Variants in ALMS1 observed in about 807,000 individuals in gnomAD.
ALMS1 encodes the protein centrosome-associated protein ALMS1.
A neutral mutation model predicts 352.2 loss-of-function variants in ALMS1; 271 were observed. The observed-to-expected ratio is 0.77, with a 90% CI of 0.70 to 0.85. The LOEUF is 0.85. Ranked by LOEUF, ALMS1 falls within the 40% of genes least tolerant of loss-of-function variation. The pLI is 0.00. For missense variants in ALMS1, 5,445 were observed against 4,870.7 expected, an observed-to-expected ratio of 1.12 and a Z score of -3.51; for synonymous variants, 1,865 against 1,761.2, an observed-to-expected ratio of 1.06 and a Z score of -1.48.
At chr2:73,481,632 A>T (rs982530004) in intron 9 of ALMS1, among the ~76,000 whole-genome samples, 2 of 150,552 alleles carry the variant, frequency 1.3e-5, no homozygotes, top group African/African-American at 2.5e-5. Flanking sequence ...TGGTAGCTTG[A>T]TGGGGATGGC....
intron 15 of ALMS1, among the ~76,000 whole-genome samples, chr2:73,559,627 G>C (rs1293513215): frequency 1.3e-5 from 2 of 152,148 alleles, no homozygotes; most frequent in Non-Finnish European, 2.9e-5. Context: ...TTACCTCTTA[G>C]AGGAAGATGG....
At chr2:73,440,202 C>T (rs143796595) in intron 7 of ALMS1, among the ~76,000 whole-genome samples, 2,453 of 151,044 alleles carry the variant, frequency 0.016, 63 homozygotes, top group African/African-American at 0.056. Flanking sequence ...AGGCTGGCTT[C>T]GAACTCCTGA....
chr2:73,528,380 A>T (rs966703004), intron 11 of ALMS1, among the ~76,000 whole-genome samples: 4 of 152,194 alleles, frequency 2.6e-5, no homozygotes, highest in Non-Finnish European at 4.4e-5. Context: ...CTGTAAGAAT[A>T]CTTGCTTTAT....
chr2:73,581,067 A>G (rs1195738708), intron 16 of ALMS1, among the ~76,000 whole-genome samples: 2 of 152,120 alleles, frequency 1.3e-5, no homozygotes, highest in South Asian at 2.1e-4. Context: ...TTTTCTGAAC[A>G]TGCATCTTGC....
At chr2:73,410,853 T>G (rs1166474613) in intron 2 of ALMS1, among the ~76,000 whole-genome samples, 2 of 152,140 alleles carry the variant, frequency 1.3e-5, no homozygotes, top group Non-Finnish European at 2.9e-5. Context: ...ATTAATAACT[T>G]GAGTATCAGA....
chr2:73,519,840 C>T lies in ALMS1; in HGVS notation c.9605C>T (p.Thr3202Ile), dbSNP rs749968807. The change falls in exon 11 of 23, where the codon ACT (threonine) becomes ATT (isoleucine). Residue 3202 changes from threonine to isoleucine, a missense_variant. By Grantham distance (89) the Thr-to-Ile change is moderately conservative. Transcript: ENST00000613296. ...FSEKLSSDAV[T>I]QITTESPEKT... ...GAAAAATTGTCATCTGATGCAGTCA[C>T]TCAGATAACAACAGAAAGTCCAGAA... The T allele has an allele frequency of 9.3e-6, 15 of 1,613,802 alleles. No homozygotes were observed. In the African/African-American group the frequency reaches 1.3e-4, roughly 14 times the overall value.
At chr2:73,468,744 T>G (rs1453974392) in intron 9 of ALMS1, among the ~76,000 whole-genome samples, 1 of 152,054 alleles carries the variant, frequency 6.6e-6, no homozygotes, top group Non-Finnish European at 1.5e-5. Context: ...GTAGACAGTA[T>G]ATAGTTGGAT....
chr2:73,607,111 T>C (rs1050818537), intron 21 of ALMS1, among the ~76,000 whole-genome samples: 2 of 152,210 alleles, frequency 1.3e-5, no homozygotes, highest in Non-Finnish European at 2.9e-5. Context: ...GATGGGAATT[T>C]TTGGTGGGAG....
At chr2:73,462,457 C>T (rs9750662) in intron 9 of ALMS1, among the ~76,000 whole-genome samples, 2,491 of 152,206 alleles carry the variant, frequency 0.016, 68 homozygotes, top group African/African-American at 0.057. Context: ...CTGAAGGAAG[C>T]GCTAAACATG....
intron 1 of ALMS1, among the ~76,000 whole-genome samples, chr2:73,391,522 T>A (rs1295014280): frequency 6.6e-6 from 1 of 151,828 alleles, no homozygotes; most frequent in Non-Finnish European, 1.5e-5. Context: ...CTCCATCTCC[T>A]GACCTCGTGA....
intron 9 of ALMS1, among the ~76,000 whole-genome samples, chr2:73,481,419 C>G (rs1170633618): frequency 1.3e-5 from 2 of 152,146 alleles, no homozygotes; most frequent in African/African-American, 2.4e-5. Context: ...GGGCTCTGTT[C>G]TGTTCCATTG....
chr2:73,476,612 C>G (rs1182297731), intron 9 of ALMS1, among the ~76,000 whole-genome samples: 1 of 151,398 alleles, frequency 6.6e-6, no homozygotes, highest in Non-Finnish European at 1.5e-5. Context: ...AATGGCTATT[C>G]TAACAGGTCT....
chr2:73,590,956 G>A (rs1288717858), intron 16 of ALMS1, among the ~76,000 whole-genome samples: 1 of 151,928 alleles, frequency 6.6e-6, no homozygotes, highest in Non-Finnish European at 1.5e-5. Context: ...AATTACAGGC[G>A]TGAGCCACCG....
rs545078384 is a variant in ALMS1, at chr2:73,407,673, GT to G, written c.325-948del. On this transcript the variant is annotated intron_variant, in intron 1 of 22. Transcript: ENST00000613296. ...GTGGTAATGAACTCTCTCAGCTTTT[GT>G]GAATGTTTTAATTTTCCCTTTTACA... is the stretch of plus-strand genomic sequence containing the variant. Among the ~76,000 whole-genome samples the G allele has an allele frequency of 2.4e-3, 367 of 152,158 alleles. 1 individual carries two copies. The highest frequency in any genetic ancestry group is 8.4e-3 in the African/African-American group (350 of 41,516).
rs151059286 is a variant in ALMS1, at chr2:73,477,914, G to A, written c.7675-11720G>A. On this transcript the variant is annotated intron_variant, in intron 9 of 22. Coordinates refer to ENST00000613296, the MANE Select transcript of ALMS1 (RefSeq NM_001378454.1). ...ATGAAGTTCATGTCATCTGCAAATA[G>A]ATATAGTTGTACTTCTTTCTTTCCA... is the stretch of plus-strand genomic sequence containing the variant. 5.9e-4 allele frequency among the ~76,000 whole-genome samples: 90 copies of A among 152,262 alleles called. 2 individuals are homozygous for A. The East Asian group carries it at 0.012, about 20-fold the overall frequency.
Position 73,449,843 on chromosome 2 carries a change from TTC to T in ALMS1, c.3318_3319del (p.Phe1106LeufsTer12). 1 of 1,613,970 alleles carries T rather than the reference TTC, an allele frequency of 6.2e-7. No homozygotes were observed. Among genetic ancestry groups the T allele is most frequent in the South Asian group, 1.1e-5 (1 of 91,082 alleles). On this transcript the variant is annotated frameshift_variant, in exon 8 of 23. Transcript: ENST00000613296. LOFTEE classifies it high-confidence loss of function. ...FYSQREKPGI[F>X]YQQTLPESHL... ...CTCACAAAGAGAGAAGCCTGGTATT[TTC>T]TACCAACAGACCTTGCCAGAGAGTC...
intron 10 of ALMS1, among the ~76,000 whole-genome samples, chr2:73,507,840 G>A (rs562000947): frequency 8.6e-5 from 13 of 152,032 alleles, no homozygotes; most frequent in African/African-American, 1.9e-4. Context: ...GTTTGCCCTC[G>A]CTTCTCTAGT....
Position 73,519,796 on chromosome 2 carries a change from C to T in ALMS1, c.9561C>T (p.Thr3187=), listed in dbSNP as rs11884776. 367,785 of 1,613,364 alleles carry T rather than the reference C, an allele frequency of 0.23. 46,481 individuals are homozygous for T. The highest frequency in any genetic ancestry group is 0.5 in the African/African-American group (37,415 of 74,882). Residue 3187 remains threonine, a synonymous_variant, in exon 11 of 23, where the codon ACC becomes ACT. Coordinates refer to ENST00000613296, the MANE Select transcript of ALMS1 (RefSeq NM_001378454.1). The part of the protein sequence containing the change: ...FADRLPEKMK[T]PLSAFSEKLS... ...TCAGATTACCAGAGAAGATGAAGAC[C>T]CCACTTTCTGCTTTCTCTGAAAAAT...
At chr2:73,578,995 T>A (rs915295577) in intron 16 of ALMS1, among the ~76,000 whole-genome samples, 2 of 151,922 alleles carry the variant, frequency 1.3e-5, no homozygotes, top group African/African-American at 4.8e-5. Flanking sequence ...TCATTCCTTA[T>A]AGGGAAGGTC....
Sources: allele counts gnomAD v4.1 joint callset (sites outside exome capture counted in the v4.1 genomes callset), GRCh38; gene constraint gnomAD v4.1.1; transcripts MANE v1.5; gene names NCBI Gene and HGNC (gene_info 2026-07-23, HGNC 2026-07-21).